Variants in NELFA observed in about 807,000 individuals in gnomAD.
NELFA encodes negative elongation factor complex member A.
Under a neutral mutation model 51.8 loss-of-function variants are expected in NELFA, and 35 were observed. The ratio of observed to expected loss-of-function variants is 0.68; its 90% CI spans 0.52 to 0.90. The LOEUF (loss-of-function observed/expected upper bound fraction) is 0.90. NELFA is among the 40% of genes least tolerant of loss of function. NELFA has a pLI of 0.00. For missense variants in NELFA, 658 were observed against 746.4 expected (o/e 0.88, Z 1.38); for synonymous variants, 417 against 338.4 (o/e 1.23, Z -2.55).
rs1334845021 is a variant in NELFA, at chr4:1,986,012, C to CG, written c.835+101dup. ...CACCCACCCACGGAGAGCAGCCTCACGGGGCACAGCCCTGCCCGCCGAGCG... is the reference window on the plus strand; with the variant it reads ...CACCCACCCACGGAGAGCAGCCTCACGGGGGCACAGCCCTGCCCGCCGAGCG... On this transcript the variant is annotated intron_variant, in intron 6 of 10. Transcript: ENST00000382882. 25 of 1,407,302 alleles carry CG rather than the reference C, an allele frequency of 1.8e-5. 1 individual carries two copies. The highest frequency in any genetic ancestry group is 3.7e-4 in the Middle Eastern group (2 of 5,472). 87.2% of individuals were successfully genotyped at this position (1,407,302 alleles called of 1,614,324 possible).
chr4:1,994,723 T>C (rs1303108269), intron 1 of NELFA, among the ~76,000 whole-genome samples: 1 of 151,184 alleles, frequency 6.6e-6, no homozygotes, highest in Non-Finnish European at 1.5e-5. Flanking sequence ...GGCGTGGTGG[T>C]GGGCACCTGT....
chr4:1,987,895 C>T (rs552881729), intron 4 of NELFA, 23 bp downstream of exon 4: 27 of 1,578,998 alleles, frequency 1.7e-5, no homozygotes, highest in South Asian at 7.0e-5. Context: ...GCAAGGCTCA[C>T]GGCACCAGGG....
chr4:1,996,167 C>T lies in NELFA; in HGVS notation c.211-4452G>A, dbSNP rs186081731. On this transcript the variant is annotated intron_variant, in intron 1 of 10. Coordinates refer to ENST00000382882, the MANE Select transcript of NELFA (RefSeq NM_005663.5). The stretch of plus-strand genomic sequence containing the variant: ...CATTAAGCAGATCTTAAATTTCAAA[C>T]GACTAAAATAAACCATATTCTCTGA... Among the ~76,000 whole-genome samples, 444 of 152,218 alleles carry T rather than the reference C, an allele frequency of 2.9e-3. 4 individuals are homozygous for T. Among genetic ancestry groups the T allele is most frequent in the African/African-American group, 9.9e-3 (411 of 41,526 alleles).
At chr4:2,003,734 G>A (rs558974418) in intron 1 of NELFA, 14 of 152,182 alleles carry the variant, frequency 9.2e-5, no homozygotes, top group Non-Finnish European at 1.5e-4. Flanking sequence ...GCCTAATAGG[G>A]GTGGGAGTGA....
intron 1 of NELFA, among the ~76,000 whole-genome samples, chr4:1,997,159 A>G (rs757837917): frequency 3.9e-5 from 6 of 152,206 alleles, no homozygotes; most frequent in Non-Finnish European, 8.8e-5. Context: ...ATCAATACTG[A>G]AAAATCCTCC....
At chr4:2,005,510 G>A (rs149885874) in intron 1 of NELFA, among the ~76,000 whole-genome samples, 79 of 152,158 alleles carry the variant, frequency 5.2e-4, no homozygotes, top group African/African-American at 1.8e-3. Flanking sequence ...TGGCCAACAT[G>A]GTGAAACCCC....
chr4:1,988,539 G>A (rs1391348025), intron 3 of NELFA, among the ~76,000 whole-genome samples: 2 of 152,232 alleles, frequency 1.3e-5, no homozygotes, highest in African/African-American at 2.4e-5. Flanking sequence ...GGGCTACCCA[G>A]TGGGCCCGGG....
At chr4:2,008,696 C>T in intron 1 of NELFA, 54 bp downstream of exon 1, 1 of 1,550,892 alleles carries the variant, frequency 6.4e-7, no homozygotes. Flanking sequence ...GTGTGCGGGT[C>T]GGAGGTGGGA....
chr4:2,008,041 C>A, intron 1 of NELFA: 1 of 456,894 alleles, frequency 2.2e-6, no homozygotes, highest in East Asian at 6.9e-5. Flanking sequence ...TCCGGACGGC[C>A]GGGGTCTTTG....
chr4:1,989,963 A>C lies in NELFA; in HGVS notation c.383-94T>G, dbSNP rs1728224579. ...GGCTGCCCAGCCCCACACCCTCCTC[A>C]GTTAGGGTTAGGTCATGGGAGCTTC... On this transcript the variant is annotated intron_variant, in intron 2 of 10. Coordinates refer to ENST00000382882, the MANE Select transcript of NELFA (RefSeq NM_005663.5). The surrounding 1 kb of genome is among the most constrained non-coding windows in gnomAD (Gnocchi z 4.8). 6.8e-7 allele frequency: 1 copy of C among 1,462,606 alleles called. No homozygotes were observed. The highest frequency in any genetic ancestry group is 9.2e-7 in the Non-Finnish European group (1 of 1,081,664). 90.6% of individuals were successfully genotyped at this position (1,462,606 alleles called of 1,614,324 possible). A position where few individuals can be genotyped will look rare whatever the true frequency, so the allele number is the denominator to read the frequency against.
intron 1 of NELFA, among the ~76,000 whole-genome samples, chr4:1,998,305 T>C (rs1348850523): frequency 1.3e-5 from 2 of 151,896 alleles, no homozygotes; most frequent in Non-Finnish European, 2.9e-5. Context: ...ATGGACGAGC[T>C]GACAGAAGTA....
At position 1,991,635 on chromosome 4, in the gene NELFA, C is replaced by T. The variant is rs753979504; in HGVS notation, c.291G>A (p.Leu97=). Residue 97 remains leucine (L), a synonymous_variant, in exon 2 of 11, where the codon TTG becomes TTA. Coordinates refer to ENST00000382882, the MANE Select transcript of NELFA (RefSeq NM_005663.5). ...GCGAGCCTGTGTCCGGAAAGGACTT[C>T]AAGATGTCGGCGACCATGAGCACCC... The part of the protein sequence containing the change: ...DPWVLMVADI[L]KSFPDTGSLN... 5.6e-6 allele frequency: 9 copies of T among 1,614,054 alleles called. No individual in the cohort carries two copies. The South Asian group carries it at 8.8e-5, about 16-fold the overall frequency.
chr4:1,997,034 G>A (rs1021612960), intron 1 of NELFA, among the ~76,000 whole-genome samples: 34 of 152,246 alleles, frequency 2.2e-4, no homozygotes, highest in African/African-American at 7.0e-4. Flanking sequence ...GATCACTTGA[G>A]CTTAGGAGTT....
At chr4:2,007,130 TGAG>T (rs1728730522) in intron 1 of NELFA, 1 of 434,326 alleles carries the variant, frequency 2.3e-6, no homozygotes, top group African/African-American at 2.0e-5. Flanking sequence ...AGATCTGAGG[TGAG>T]GAGGTCAAGG....
chr4:1,986,059 G>T, intron 6 of NELFA, 55 bp downstream of exon 6: 1 of 1,532,656 alleles, frequency 6.5e-7, no homozygotes, highest in East Asian at 2.5e-5. Context: ...CACCCCAACT[G>T]GGCAGGGCCC....
intron 4 of NELFA, 49 bp from the exon 5 acceptor site, chr4:1,986,451 TC>T: frequency 6.3e-7 from 1 of 1,596,934 alleles, no homozygotes; most frequent in African/African-American, 1.5e-5. Context: ...CCGGCAAACG[TC>T]CCCCACCCCG....
intron 1 of NELFA, 86 bp from the exon 2 acceptor site, chr4:1,991,801 C>T: frequency 7.1e-7 from 1 of 1,406,802 alleles, no homozygotes; most frequent in Non-Finnish European, 9.6e-7. Flanking sequence ...GGGCACTGGG[C>T]AGTGGCCGGG....
chr4:1,984,656 G>T, intron 8 of NELFA, 152 bp downstream of exon 8: 1 of 614,002 alleles, frequency 1.6e-6, no homozygotes, highest in Non-Finnish European at 2.8e-6. Context: ...AAGCTGAACA[G>T]CGGGGCATCT....
rs1232397540 is a variant in NELFA, at chr4:1,982,944, G to A, written c.*375C>T. The A allele has an allele frequency of 5.8e-6, 1 of 173,434 alleles. No homozygotes were observed. The highest frequency in any genetic ancestry group is 1.2e-5 in the Non-Finnish European group (1 of 82,182). 10.7% of individuals were successfully genotyped at this position (173,434 alleles called of 1,614,324 possible). ...GTGCCACCTTGGTCCCCTCAACCCT[G>A]GGGGTAGGAGGGCACTGCCCCAGCG... is the stretch of plus-strand genomic sequence containing the variant. On this transcript the variant is annotated 3_prime_UTR_variant, in exon 11 of 11. Coordinates refer to ENST00000382882, the MANE Select transcript of NELFA (RefSeq NM_005663.5).
Sources: gnomAD v4.1 joint callset for allele counts (sites outside exome capture counted in the v4.1 genomes callset) on GRCh38, gnomAD v4.1.1 for gene constraint, Gnocchi (gnomAD v3.1) non-coding constraint, MANE v1.5 for transcripts, NCBI Gene and HGNC (gene_info 2026-07-23, HGNC 2026-07-21) for gene names.